DYNC2I1: variants seen among roughly 807,000 people sequenced by gnomAD.
DYNC2I1 encodes the protein dynein 2 intermediate chain 1.
Under a neutral mutation model 133.4 loss-of-function variants are expected in DYNC2I1, and 89 were observed. The ratio of observed to expected loss-of-function variants is 0.67; its 90% CI spans 0.56 to 0.80. The LOEUF (loss-of-function observed/expected upper bound fraction) is 0.80. Ranked by LOEUF, DYNC2I1 falls within the 30% of genes least tolerant of loss-of-function variation. The probability of loss-of-function intolerance (pLI) is 0.00; values close to 1 mark genes in which losing one functional copy is unlikely to be tolerated. For missense variants in DYNC2I1, 1,291 were observed against 1,314.5 expected, an observed-to-expected ratio of 0.98 and a Z score of 0.28; for synonymous variants, 504 against 484.3, an observed-to-expected ratio of 1.04 and a Z score of -0.54.
At chr7:158,882,279 CA>C (rs538690431) in intron 5 of DYNC2I1, among the ~76,000 whole-genome samples, 7 of 150,678 alleles carry the variant, frequency 4.6e-5, no homozygotes, top group Non-Finnish European at 1.0e-4. Context: ...AAAGAACTAC[CA>C]AAAAAAAACC....
intron 17 of DYNC2I1, 151 bp from the exon 18 acceptor site, chr7:158,926,036 C>A (rs1413182599): frequency 7.8e-6 from 5 of 644,846 alleles, no homozygotes; most frequent in Non-Finnish European, 1.1e-5. Context: ...CGTGTGTGGT[C>A]CATGTTGGTT....
rs538764238 is a variant in DYNC2I1 at position 158,880,852 on chromosome 7, G to C, written c.879+863G>C. 2.0e-4 allele frequency among the ~76,000 whole-genome samples: 31 copies of C among 152,228 alleles called. 1 individual carries two copies. Among genetic ancestry groups the C allele is most frequent in the African/African-American group, 7.5e-4 (31 of 41,544 alleles). On this transcript the variant is annotated intron_variant, in intron 5 of 24. Transcript: ENST00000407559. ...TTTTTACAGAATCCGAAGCTAATAT[G>C]ATCTTATTTACCTATTTCTTGGTGA...
rs1407280239 is a variant in DYNC2I1, at chr7:158,911,773, A to T, written c.1590+94A>T. The T allele has an allele frequency of 4.2e-6, 6 of 1,416,144 alleles. No individual in the cohort carries two copies. The East Asian group carries it at 1.4e-4, about 33-fold the overall frequency. 87.7% of individuals were successfully genotyped at this position (1,416,144 alleles called of 1,614,324 possible). On this transcript the variant is annotated intron_variant, in intron 12 of 24. Transcript: ENST00000407559. ...CCTGAATAATGTTCTGCAATATTAG[A>T]ACTTGGGGATGGTCTGTGAAGGATA... is the stretch of plus-strand genomic sequence containing the variant.
chr7:158,946,916 G>A (rs1245147288), downstream of DYNC2I1, among the ~76,000 whole-genome samples: 1 of 152,180 alleles, frequency 6.6e-6, no homozygotes, highest in Non-Finnish European at 1.5e-5. Context: ...GTCTGGGAGG[G>A]ACCCACCAGA....
chr7:158,934,509 A>G lies in DYNC2I1; in HGVS notation c.2738A>G (p.Asn913Ser). 2 of 1,562,450 alleles carry G rather than the reference A, an allele frequency of 1.3e-6. No homozygotes were observed. The highest frequency in any genetic ancestry group is 1.7e-6 in the Non-Finnish European group (2 of 1,152,464). Residue 913 changes from asparagine (N) to serine (S), a missense_variant, in exon 23 of 25, where the codon AAT becomes AGT. Asn to Ser is a conservative substitution (Grantham distance 46). Transcript: ENST00000407559. ...QQHGIRPVKV[N>S]VIDFSPFGEP... is the part of the protein sequence containing the mutation. ...CATGGTATAAGACCAGTGAAAGTTA[A>G]TGTCATTGATTTTTCACCATTTGGA... is the stretch of plus-strand genomic sequence containing the variant.
chr7:158,949,043 G>A (rs552955549), downstream of DYNC2I1, among the ~76,000 whole-genome samples: 1 of 152,222 alleles, frequency 6.6e-6, no homozygotes, highest in East Asian at 1.9e-4. Flanking sequence ...GAACCGGGCA[G>A]CCTCTGCGCC....
rs889339744 is a variant in DYNC2I1, at chr7:158,906,554, G to A, written c.1460+463G>A. Among the ~76,000 whole-genome samples the A allele has an allele frequency of 7.9e-5, 12 of 152,140 alleles. No homozygotes were observed. The South Asian group carries it at 8.3e-4, about 11-fold the overall frequency. ...GCTCACTGCAACCTCTGCCTCCCGGGTTCAAGTGATTCTTCTGTCTCAGTC... is the reference window on the plus strand; with the variant it reads ...GCTCACTGCAACCTCTGCCTCCCGGATTCAAGTGATTCTTCTGTCTCAGTC... On this transcript the variant is annotated intron_variant, in intron 11 of 24. Coordinates refer to ENST00000407559, the MANE Select transcript of DYNC2I1 (RefSeq NM_018051.5).
chr7:158,924,239 A>G (rs901269141), intron 17 of DYNC2I1, among the ~76,000 whole-genome samples: 2 of 152,198 alleles, frequency 1.3e-5, no homozygotes, highest in African/African-American at 4.8e-5. Context: ...ACATTGTCTC[A>G]TTTAATTCCC....
At chr7:158,865,294 G>C (rs1047201619) in intron 1 of DYNC2I1, among the ~76,000 whole-genome samples, 12 of 152,244 alleles carry the variant, frequency 7.9e-5, no homozygotes, top group Admixed American at 7.9e-4. Context: ...GCCCTGCATT[G>C]AGGGGAAGGG....
At chr7:158,868,013 G>A (rs1842556647) in intron 1 of DYNC2I1, among the ~76,000 whole-genome samples, 2 of 152,148 alleles carry the variant, frequency 1.3e-5, no homozygotes, top group South Asian at 4.1e-4. Flanking sequence ...GGAGGCTGAG[G>A]TGGGAGGATG....
At chr7:158,859,651 T>C (rs1841697313) in intron 1 of DYNC2I1, among the ~76,000 whole-genome samples, 1 of 152,108 alleles carries the variant, frequency 6.6e-6, no homozygotes, top group Non-Finnish European at 1.5e-5. Context: ...TACAGATGTG[T>C]GTCATCACGC....
Position 158,856,739 on chromosome 7 carries a change from G to A in DYNC2I1, c.4G>A (p.Glu2Lys). The change falls in exon 1 of 25, where the codon GAG becomes AAG. Residue 2 changes from glutamate to lysine, a missense_variant. By Grantham distance (56) the Glu-to-Lys change is moderately conservative. Coordinates refer to ENST00000407559, the MANE Select transcript of DYNC2I1 (RefSeq NM_018051.5). ...CCGCCCGGGCCTGCGGGAAGCGATGGAGCCCGGGAAGGTCGGTGCGGCGCT... is the reference window on the plus strand; with the variant it reads ...CCGCCCGGGCCTGCGGGAAGCGATGAAGCCCGGGAAGGTCGGTGCGGCGCT... The part of the protein sequence containing the change: M[E>K]PGKRRTKDDT... 8.1e-7 allele frequency: 1 copy of A among 1,234,820 alleles called. No individual in the cohort carries two copies. 76.5% of individuals were successfully genotyped at this position (1,234,820 alleles called of 1,614,324 possible).
intron 11 of DYNC2I1, among the ~76,000 whole-genome samples, chr7:158,910,719 G>A (rs1478361589): frequency 2.6e-5 from 4 of 151,550 alleles, no homozygotes; most frequent in African/African-American, 4.9e-5. Context: ...ACCTGTGGGC[G>A]GAGGACGATT....
At chr7:158,839,463 C>T in the DYNC2I1 span, among the ~76,000 whole-genome samples, 2 of 151,570 alleles carry the variant, frequency 1.3e-5, no homozygotes, top group Non-Finnish European at 2.9e-5. Context: ...CTCCGTAACA[C>T]CTGACTGCAA....
At position 158,917,737 on chromosome 7, in the gene DYNC2I1, C is replaced by G. The variant is rs1222712160; in HGVS notation, c.1792-1003C>G. 7.2e-5 allele frequency among the ~76,000 whole-genome samples: 11 copies of G among 152,278 alleles called. 1 individual carries two copies. The highest frequency in any genetic ancestry group is 1.2e-4 in the Non-Finnish European group (8 of 68,030). On this transcript the variant is annotated intron_variant, in intron 14 of 24. Transcript: ENST00000407559. Reference sequence around the variant, plus strand: ...TCCACACTCCACCCTCTGCCTCTCACTAAACACTCCTTTTCTTGCCCGTTC... The same window carrying G: ...TCCACACTCCACCCTCTGCCTCTCAGTAAACACTCCTTTTCTTGCCCGTTC...
Position 158,876,711 on chromosome 7 carries a change from G to A in DYNC2I1, c.573+20G>A. 6.5e-7 allele frequency: 1 copy of A among 1,532,028 alleles called. No individual in the cohort carries two copies. 94.9% of individuals were successfully genotyped at this position (1,532,028 alleles called of 1,614,324 possible). ...AGAAAGGTATACGAAGCAAGGCCTG[G>A]GGAAAAGTTTTCCAAATGTTGCCAA... On this transcript the variant is annotated intron_variant, in intron 4 of 24. Coordinates refer to ENST00000407559, the MANE Select transcript of DYNC2I1 (RefSeq NM_018051.5).
intron 1 of DYNC2I1, among the ~76,000 whole-genome samples, chr7:158,867,105 A>G (rs1189996335): frequency 6.6e-6 from 1 of 151,430 alleles, no homozygotes; most frequent in African/African-American, 2.4e-5. Context: ...GAAAAATTGA[A>G]TAATTATGGT....
chr7:158,934,306 G>A, intron 22 of DYNC2I1, 78 bp downstream of exon 22: 1 of 1,514,030 alleles, frequency 6.6e-7, no homozygotes, highest in Non-Finnish European at 8.8e-7. Flanking sequence ...TCTTGATTTA[G>A]GATTAACTTA....
intron 1 of DYNC2I1, among the ~76,000 whole-genome samples, chr7:158,866,561 A>T (rs1842425245): frequency 6.6e-6 from 1 of 151,948 alleles, no homozygotes; most frequent in Admixed American, 6.6e-5. Flanking sequence ...AGCAGGTCCT[A>T]TATTAAACCT....
Sources: allele counts gnomAD v4.1 joint callset (sites outside exome capture counted in the v4.1 genomes callset), GRCh38; gene constraint gnomAD v4.1.1; transcripts MANE v1.5; gene names NCBI Gene and HGNC (gene_info 2026-07-23, HGNC 2026-07-21).